The following PAG1 variants were observed in gnomAD, a reference collection of about 807,000 sequenced individuals.
PAG1 encodes phosphoprotein associated with glycosphingolipid-enriched microdomains 1.
A neutral mutation model predicts 31.7 loss-of-function variants in PAG1; 23 were observed. The observed-to-expected ratio is 0.73, with a 90% CI of 0.52 to 1.03. The LOEUF is 1.03. Among genes scored for constraint, PAG1 ranks in the 50% least tolerant of loss-of-function variants. The probability of loss-of-function intolerance (pLI) is 0.00; values close to 1 mark genes in which losing one functional copy is unlikely to be tolerated. For missense variants in PAG1, 473 were observed against 540.7 expected (o/e 0.87, Z 1.24); for synonymous variants, 214 against 210.3 (o/e 1.02, Z -0.15).
At chr8:81,098,515 G>A (rs1036710957) in intron 1 of PAG1, among the ~76,000 whole-genome samples, 1 of 152,184 alleles carries the variant, frequency 6.6e-6, no homozygotes, top group Non-Finnish European at 1.5e-5. Context: ...CATGATGGGT[G>A]TGAGGGCTTC....
At chr8:81,109,756 A>G (rs1050308807) in intron 1 of PAG1, among the ~76,000 whole-genome samples, 2 of 152,170 alleles carry the variant, frequency 1.3e-5, no homozygotes, top group Admixed American at 6.5e-5. Flanking sequence ...ACTACTGTTC[A>G]GTGGGGTAGG....
intron 1 of PAG1, among the ~76,000 whole-genome samples, chr8:81,072,950 A>C (rs1278791750): frequency 1.3e-5 from 2 of 152,232 alleles, no homozygotes; most frequent in Non-Finnish European, 2.9e-5. Context: ...GATTTAGTGC[A>C]TGCTGACAAT....
At chr8:81,086,522 T>C (rs1179117903) in intron 1 of PAG1, among the ~76,000 whole-genome samples, 1 of 151,978 alleles carries the variant, frequency 6.6e-6, no homozygotes, top group Non-Finnish European at 1.5e-5. Flanking sequence ...CGTGTGTGTG[T>C]GTGTGCATAA....
At chr8:81,046,553 T>C (rs1053094431) in intron 2 of PAG1, among the ~76,000 whole-genome samples, 6 of 152,206 alleles carry the variant, frequency 3.9e-5, no homozygotes, top group African/African-American at 1.4e-4. Context: ...TATTAAAATG[T>C]TTTTCTTTTT....
intron 1 of PAG1, among the ~76,000 whole-genome samples, chr8:81,085,760 T>C (rs1809340902): frequency 1.3e-5 from 2 of 152,196 alleles, no homozygotes; most frequent in Non-Finnish European, 2.9e-5. Context: ...GTTGAATAAA[T>C]TTGAGTTTTG....
In PAG1 at chr8:80,987,386, T is replaced by A; in HGVS notation, c.258A>T (p.Ala86=). 1 of 1,611,424 alleles carries A rather than the reference T, an allele frequency of 6.2e-7. No individual in the cohort carries two copies. Among genetic ancestry groups the A allele is most frequent in the Non-Finnish European group, 8.5e-7 (1 of 1,177,524 alleles). ...DAPASSEQNG[A]LTNGDILSED... ...AGAACTTACTGTCCCCATTGGTGAG[T>A]GCCCCATTCTGCTCACTGCTGGCAG... The change falls in exon 6 of 9, where the codon GCA becomes GCT. Residue 86 remains alanine, a synonymous_variant. Coordinates refer to ENST00000220597, the MANE Select transcript of PAG1 (RefSeq NM_018440.4).
intron 2 of PAG1, among the ~76,000 whole-genome samples, chr8:81,043,439 A>G (rs1423049028): frequency 6.6e-6 from 1 of 152,066 alleles, no homozygotes; most frequent in African/African-American, 2.4e-5. Flanking sequence ...TTTGTTACAT[A>G]TATAGTACCC....
At chr8:81,108,344 G>T (rs1231396400) in intron 1 of PAG1, among the ~76,000 whole-genome samples, 1 of 152,194 alleles carries the variant, frequency 6.6e-6, no homozygotes, top group Non-Finnish European at 1.5e-5. Context: ...CAATGGCAGG[G>T]GCTCTTTTGG....
At chr8:81,055,385 T>G (rs972313187) in intron 2 of PAG1, among the ~76,000 whole-genome samples, 2 of 152,236 alleles carry the variant, frequency 1.3e-5, no homozygotes, top group Non-Finnish European at 1.5e-5. Context: ...AATGAATGAA[T>G]TCATCCTGGG....
intron 2 of PAG1, among the ~76,000 whole-genome samples, chr8:81,037,776 C>T (rs921120506): frequency 6.6e-6 from 1 of 152,204 alleles, no homozygotes; most frequent in Non-Finnish European, 1.5e-5. Context: ...GATATTCATT[C>T]AGTCATTTGT....
At chr8:81,092,002 A>C (rs1414570731) in intron 1 of PAG1, among the ~76,000 whole-genome samples, 1 of 134,154 alleles carries the variant, frequency 7.5e-6, no homozygotes, top group African/African-American at 3.7e-5. Flanking sequence ...CTTGTCTCAA[A>C]AAAAAAAAAA....
Position 80,980,466 on chromosome 8 carries a change from C to T in PAG1, c.905G>A (p.Arg302Gln), listed in dbSNP as rs141088766. 1.2e-5 allele frequency: 19 copies of T among 1,607,726 alleles called. No individual in the cohort carries two copies. The highest frequency in any genetic ancestry group is 1.7e-5 in the Admixed American group (1 of 59,966). The change falls in exon 8 of 9, where the codon CGG becomes CAG. Residue 302 changes from arginine (R) to glutamine (Q), a missense_variant. Transcript: ENST00000220597. ...KRFSSLSYKS[R>Q]EEDPTLTEEE... Reference sequence around the variant, plus strand: ...TTCTGTGAGAGTGGGGTCTTCTTCCCGAGACTTGTATGACAATGAGCTAAA... The same window carrying T: ...TTCTGTGAGAGTGGGGTCTTCTTCCTGAGACTTGTATGACAATGAGCTAAA...
intron 8 of PAG1, 150 bp downstream of exon 8, chr8:80,980,285 A>T: frequency 1.7e-6 from 1 of 589,576 alleles, no homozygotes; most frequent in Non-Finnish European, 3.0e-6. Flanking sequence ...AAGCCATTAT[A>T]AAACCAGCAT....
intron 1 of PAG1, among the ~76,000 whole-genome samples, chr8:81,072,788 T>C (rs1343739379): frequency 1.3e-5 from 2 of 152,170 alleles, no homozygotes; most frequent in Non-Finnish European, 2.9e-5. Flanking sequence ...ATGGGGACCA[T>C]TGGAAAGGGC....
intron 2 of PAG1, among the ~76,000 whole-genome samples, chr8:81,061,934 T>C (rs1045943929): frequency 6.6e-6 from 1 of 151,278 alleles, no homozygotes; most frequent in Non-Finnish European, 1.5e-5. Context: ...AGACAGCAAA[T>C]GGGAGGGATG....
intron 1 of PAG1, among the ~76,000 whole-genome samples, chr8:81,081,664 A>G (rs1036248730): frequency 6.6e-6 from 1 of 152,144 alleles, no homozygotes; most frequent in Non-Finnish European, 1.5e-5. Context: ...TGTTATATAA[A>G]TGGAGTCATG....
In PAG1 at chr8:81,052,073, T is replaced by G. The variant is rs897445836; in HGVS notation, c.-175+18039A>C. 2.0e-4 allele frequency among the ~76,000 whole-genome samples: 29 copies of G among 146,280 alleles called. No individual in the cohort carries two copies. The East Asian group carries it at 4.4e-3, about 22-fold the overall frequency. ...TGAACCCGGGAGGCGGAGCTTGCGG[T>G]GAGCCGATATCATGCCACTGCACTC... On this transcript the variant is annotated intron_variant, in intron 2 of 8. Transcript: ENST00000220597.
intron 1 of PAG1, among the ~76,000 whole-genome samples, chr8:81,103,777 C>T (rs567845864): frequency 9.9e-5 from 15 of 152,112 alleles, no homozygotes; most frequent in African/African-American, 1.2e-4. Flanking sequence ...TTTTACAATC[C>T]GTCAAATAAT....
chr8:81,086,619 T>C (rs975371817), intron 1 of PAG1, among the ~76,000 whole-genome samples: 7 of 152,078 alleles, frequency 4.6e-5, no homozygotes, highest in Non-Finnish European at 7.4e-5. Flanking sequence ...AATGCCTACG[T>C]ATTGATAAGA....
Sources: gnomAD v4.1 joint callset for allele counts (sites outside exome capture counted in the v4.1 genomes callset) on GRCh38, gnomAD v4.1.1 for gene constraint, MANE v1.5 for transcripts, NCBI Gene and HGNC (gene_info 2026-07-23, HGNC 2026-07-21) for gene names.